SYN3: variants seen among roughly 807,000 people sequenced by gnomAD.
SYN3 encodes synapsin-3.
Under a neutral mutation model 65.8 loss-of-function variants are expected in SYN3, and 35 were observed. That is an observed-to-expected ratio of 0.53 (90% CI 0.41 to 0.70). The LOEUF (loss-of-function observed/expected upper bound fraction) is 0.70. Among genes scored for constraint, SYN3 ranks in the 30% least tolerant of loss-of-function variants. SYN3 has a pLI of 0.00. For synonymous variants in SYN3, 270 were observed against 292.9 expected (o/e 0.92, Z 0.80); for missense variants, 680 against 749.0 (o/e 0.91, Z 1.08).
At chr22:32,843,303 C>T (rs1328513490) in intron 6 of SYN3, among the ~76,000 whole-genome samples, 2 of 152,224 alleles carry the variant, frequency 1.3e-5, no homozygotes, top group African/African-American at 4.8e-5. Flanking sequence ...CTTCCTTCTC[C>T]TCTAGATTCA....
chr22:32,799,847 T>C (rs1267866554), intron 6 of SYN3, among the ~76,000 whole-genome samples: 1 of 152,182 alleles, frequency 6.6e-6, no homozygotes, highest in East Asian at 1.9e-4. Context: ...TGTGGCTAAA[T>C]ATCCCAGGCC....
chr22:33,040,096 C>A (rs912974576), intron 1 of SYN3, among the ~76,000 whole-genome samples: 2 of 151,056 alleles, frequency 1.3e-5, no homozygotes, highest in African/African-American at 4.9e-5. Flanking sequence ...GTGGCGCGAT[C>A]TCGGCTCACT....
At chr22:32,938,661 T>C (rs921677354) in intron 3 of SYN3, among the ~76,000 whole-genome samples, 2 of 151,922 alleles carry the variant, frequency 1.3e-5, no homozygotes, top group Non-Finnish European at 2.9e-5. Flanking sequence ...GCACAGTGGC[T>C]CATGTTTGTA....
At position 33,006,692 on chromosome 22, in the gene SYN3, C is replaced by T; in HGVS notation, c.-30G>A. The T allele has an allele frequency of 6.4e-7, 1 of 1,552,358 alleles. No homozygotes were observed. Among genetic ancestry groups the T allele is most frequent in the Non-Finnish European group, 8.7e-7 (1 of 1,148,350 alleles). ...GTGGATGGATGGAGATGACTGGCTCCTACCCAGACGTGTGTAGGTGAGGCC... is the reference window on the plus strand; with the variant it reads ...GTGGATGGATGGAGATGACTGGCTCTTACCCAGACGTGTGTAGGTGAGGCC... On this transcript the variant is annotated 5_prime_UTR_variant, in exon 2 of 14. Coordinates refer to ENST00000358763, the MANE Select transcript of SYN3 (RefSeq NM_003490.4).
chr22:32,602,836 TG>T (rs2059304980), intron 6 of SYN3, among the ~76,000 whole-genome samples: 1 of 152,212 alleles, frequency 6.6e-6, no homozygotes, highest in African/African-American at 2.4e-5. Flanking sequence ...TAGACATTTG[TG>T]TTATTCATTC....
intron 3 of SYN3, among the ~76,000 whole-genome samples, chr22:32,945,527 T>C (rs1357286786): frequency 6.6e-6 from 1 of 152,188 alleles, no homozygotes; most frequent in Non-Finnish European, 1.5e-5. Context: ...TTACACCTCA[T>C]ACAAAAATTA....
chr22:32,994,604 G>A (rs1020272316), intron 2 of SYN3, among the ~76,000 whole-genome samples: 1 of 152,196 alleles, frequency 6.6e-6, no homozygotes, highest in African/African-American at 2.4e-5. Flanking sequence ...AGAGCCAAGT[G>A]TCTTCAACAG....
intron 3 of SYN3, among the ~76,000 whole-genome samples, chr22:32,974,815 A>C (rs1429674120): frequency 6.6e-6 from 1 of 152,246 alleles, no homozygotes; most frequent in Non-Finnish European, 1.5e-5. Context: ...ACAAATGTTC[A>C]GCATATTACA....
At chr22:32,969,936 AAC>A (rs1198879913) in intron 3 of SYN3, among the ~76,000 whole-genome samples, 3 of 152,218 alleles carry the variant, frequency 2.0e-5, no homozygotes, top group African/African-American at 7.2e-5. Flanking sequence ...AAATAATCAA[AAC>A]ACACACACAA....
chr22:32,558,133 T>G (rs2058530107), intron 7 of SYN3, among the ~76,000 whole-genome samples: 2 of 152,182 alleles, frequency 1.3e-5, no homozygotes, highest in Admixed American at 1.3e-4. Flanking sequence ...AATAAATAGC[T>G]GTTGAATGAA....
chr22:32,622,044 T>TGTAA (rs2059602815), intron 6 of SYN3, among the ~76,000 whole-genome samples: 1 of 151,940 alleles, frequency 6.6e-6, no homozygotes, highest in Non-Finnish European at 1.5e-5. Context: ...GAGTGAGCTC[T>TGTAA]GTAAGTACAG....
At chr22:33,017,946 T>C (rs1029518294) in intron 1 of SYN3, among the ~76,000 whole-genome samples, 1 of 152,126 alleles carries the variant, frequency 6.6e-6, no homozygotes. Flanking sequence ...AACAGAGGGA[T>C]GGCCAGCTCC....
At chr22:32,611,297 T>G (rs892318879) in intron 6 of SYN3, among the ~76,000 whole-genome samples, 5 of 144,370 alleles carry the variant, frequency 3.5e-5, no homozygotes, top group Admixed American at 6.9e-5. Flanking sequence ...TTTTTTTTTT[T>G]TTTTTTTTGT....
chr22:32,733,559 C>T lies in SYN3; in HGVS notation c.711+131356G>A, dbSNP rs552146385. 3.3e-5 allele frequency among the ~76,000 whole-genome samples: 5 copies of T among 152,328 alleles called. No homozygotes were observed. The East Asian group carries it at 9.6e-4, about 29-fold the overall frequency. ...GTTTCTATCTGATGTCTAACATGGC[C>T]GGCGCCTGGCGGAGCTCAGTCTTTG... is the stretch of plus-strand genomic sequence containing the variant. On this transcript the variant is annotated intron_variant, in intron 6 of 13. Transcript: ENST00000358763.
intron 6 of SYN3, among the ~76,000 whole-genome samples, chr22:32,609,158 A>G (rs1431351377): frequency 1.3e-5 from 2 of 151,986 alleles, no homozygotes; most frequent in African/African-American, 4.8e-5. Flanking sequence ...CCCCGTCTCT[A>G]CTAAAAATAC....
At position 32,528,871 on chromosome 22, in the gene SYN3, T is replaced by C; in HGVS notation, c.1230+3A>G. 6.2e-7 allele frequency: 1 copy of C among 1,614,148 alleles called. No individual in the cohort carries two copies. Among genetic ancestry groups the C allele is most frequent in the Non-Finnish European group, 8.5e-7 (1 of 1,180,024 alleles). ...AAGTCTCCTTTGATCGTGAGGGTCT[T>C]ACCCAAGGTCTGAGGGGGGAGGGCG... On this transcript the variant is annotated splice_donor_region_variant and intron_variant, in intron 11 of 13. Coordinates refer to ENST00000358763, the MANE Select transcript of SYN3 (RefSeq NM_003490.4).
At chr22:32,949,962 G>C (rs747091491) in intron 3 of SYN3, among the ~76,000 whole-genome samples, 1 of 152,168 alleles carries the variant, frequency 6.6e-6, no homozygotes, top group Admixed American at 6.5e-5. Flanking sequence ...ACAACGAGAT[G>C]TTGTCCAGAG....
chr22:32,817,610 AG>A (rs2047121787), intron 6 of SYN3, among the ~76,000 whole-genome samples: 1 of 152,190 alleles, frequency 6.6e-6, no homozygotes, highest in African/African-American at 2.4e-5. Flanking sequence ...AAAAGGAGGA[AG>A]GGAAGGCTGA....
chr22:32,858,042 C>T, intron 6 of SYN3: 1 of 1,614,188 alleles, frequency 6.2e-7, no homozygotes, highest in African/African-American at 1.3e-5. Flanking sequence ...GCAAGATGTA[C>T]ACGGGGCTGT....
Sources: allele counts gnomAD v4.1 joint callset (sites outside exome capture counted in the v4.1 genomes callset), GRCh38; gene constraint gnomAD v4.1.1; transcripts MANE v1.5; gene names NCBI Gene and HGNC (gene_info 2026-07-23, HGNC 2026-07-21).